DNM2: variants seen among roughly 807,000 people sequenced by gnomAD.
DNM2 encodes the protein dynamin-2.
In DNM2, 15 loss-of-function variants were observed where a neutral mutation model predicts 99.0. That is an observed-to-expected ratio of 0.15 (90% CI 0.10 to 0.23). The LOEUF (loss-of-function observed/expected upper bound fraction) is 0.23. Among genes scored for constraint, DNM2 ranks in the 10% least tolerant of loss-of-function variants. The pLI is 1.00. For synonymous variants in DNM2, 525 were observed against 481.2 expected, an observed-to-expected ratio of 1.09 and a Z score of -1.19; for missense variants, 742 against 1,189.4, an observed-to-expected ratio of 0.62 and a Z score of 5.53.
At chr19:10,755,255 CA>C (rs775260255) in intron 1 of DNM2, 4 of 152,212 alleles carry the variant, frequency 2.6e-5, no homozygotes, top group Non-Finnish European at 5.9e-5. Flanking sequence ...GAATGAACGT[CA>C]GACACACGAA....
intron 13 of DNM2, 107 bp downstream of exon 13, chr19:10,806,074 C>T: frequency 7.2e-7 from 1 of 1,388,100 alleles, no homozygotes; most frequent in Non-Finnish European, 1.0e-6. Flanking sequence ...CCCCACCCCA[C>T]AGCCTCAGTA....
rs775754391 is a variant in DNM2 at position 10,796,210 on chromosome 19, C to T, written c.1196+771C>T. 6 of 1,613,820 alleles carry T rather than the reference C, an allele frequency of 3.7e-6. No individual in the cohort carries two copies. The highest frequency in any genetic ancestry group is 2.7e-5 in the African/African-American group (2 of 74,910). On this transcript the variant is annotated intron_variant, in intron 9 of 20. Transcript: ENST00000389253. This position sits in a 1 kb window ranked among gnomAD's most constrained non-coding sequence, Gnocchi z 5.6. ...CAGTGTACCAGTAAGGTATTGCTCCCTCGGCAGGGTGACTCCTGACCTTGT... is the reference window on the plus strand; with the variant it reads ...CAGTGTACCAGTAAGGTATTGCTCCTTCGGCAGGGTGACTCCTGACCTTGT...
chr19:10,780,009 G>T (rs866402578), intron 5 of DNM2, among the ~76,000 whole-genome samples: 1 of 151,854 alleles, frequency 6.6e-6, no homozygotes, highest in Admixed American at 6.6e-5. Context: ...TCTAAGCTGC[G>T]GGCACCTCCT....
At chr19:10,783,236 G>T in intron 6 of DNM2, 116 bp downstream of exon 6, 1 of 1,479,196 alleles carries the variant, frequency 6.8e-7, no homozygotes, top group South Asian at 1.2e-5. Flanking sequence ...AGCAAAATGG[G>T]TTCAGTCCAC....
At position 10,718,172 on chromosome 19, in the gene DNM2, C is replaced by T. The variant is rs2068815823; in HGVS notation, c.-71C>T. On this transcript the variant is annotated 5_prime_UTR_variant, in exon 1 of 21. Coordinates refer to ENST00000389253, the MANE Select transcript of DNM2 (RefSeq NM_001005361.3). ...CGGGGAGCAACGGCTACAGACGCCGCGGGGCCAGGTCGTTGAGGGTCGGCG... is the reference window on the plus strand; with the variant it reads ...CGGGGAGCAACGGCTACAGACGCCGTGGGGCCAGGTCGTTGAGGGTCGGCG... The T allele has an allele frequency of 7.6e-7, 1 of 1,312,498 alleles. No homozygotes were observed. The highest frequency in any genetic ancestry group is 9.7e-7 in the Non-Finnish European group (1 of 1,032,236). The allele number at this position is 1,312,498 out of a possible 1,614,324, so 81.3% of individuals were successfully genotyped here.
chr19:10,763,901 G>A (rs979849419), intron 2 of DNM2, among the ~76,000 whole-genome samples: 5 of 152,140 alleles, frequency 3.3e-5, no homozygotes, highest in African/African-American at 7.2e-5. Context: ...CTGGCATGGC[G>A]CCAGGCAAGA....
rs2072771523 is a variant in DNM2 at position 10,817,116 on chromosome 19, C to T, written c.1672-2864C>T. ...CTTGGAGTCACACACGTGGCAGCCA[C>T]CCCTGAGGAGGAGGCCACCCTCTTA... On this transcript the variant is annotated intron_variant, in intron 15 of 20. Coordinates refer to ENST00000389253, the MANE Select transcript of DNM2 (RefSeq NM_001005361.3). The surrounding 1 kb of genome is among the most constrained non-coding windows in gnomAD (Gnocchi z 4.6). Among the ~76,000 whole-genome samples the T allele has an allele frequency of 6.6e-6, 1 of 152,210 alleles. No homozygotes were observed. The highest frequency in any genetic ancestry group is 6.5e-5 in the Admixed American group (1 of 15,282).
In DNM2 at chr19:10,772,486, C is replaced by G. The variant is rs755366581; in HGVS notation, c.243C>G (p.Ala81=). The change falls in exon 3 of 21, where the codon GCC becomes GCG. Residue 81 remains alanine (A), a synonymous_variant. Transcript: ENST00000389253. This position sits in a 1 kb window ranked among gnomAD's most constrained non-coding sequence, Gnocchi z 4.9. ...LQLIFSKTEH[A]EFLHCKSKKF... is the part of the protein sequence containing the mutation. ...TCTCTCTTCCCTTTCTAGAACATGC[C>G]GAGTTTTTGCACTGCAAGTCCAAAA... 6.8e-6 allele frequency: 11 copies of G among 1,614,076 alleles called. No individual in the cohort carries two copies. Among genetic ancestry groups the G allele is most frequent in the Admixed American group, 1.7e-5 (1 of 60,008 alleles).
At position 10,796,079 on chromosome 19, in the gene DNM2, G is replaced by A. The variant is rs774748942; in HGVS notation, c.1196+640G>A. The A allele has an allele frequency of 1.1e-5, 18 of 1,613,682 alleles. No individual in the cohort carries two copies. Among genetic ancestry groups the A allele is most frequent in the African/African-American group, 2.7e-5 (2 of 74,902 alleles). ...GTTTCAGGACCGGGCTTTTCACCCC[G>A]GACTTGGCATTCGAGGCCATTGTGA... is the stretch of plus-strand genomic sequence containing the variant. On this transcript the variant is annotated intron_variant, in intron 9 of 20. Coordinates refer to ENST00000389253, the MANE Select transcript of DNM2 (RefSeq NM_001005361.3). The surrounding 1 kb of genome is among the most constrained non-coding windows in gnomAD (Gnocchi z 5.6).
At chr19:10,782,314 G>A (rs1375075331) in intron 5 of DNM2, among the ~76,000 whole-genome samples, 16 of 151,714 alleles carry the variant, frequency 1.1e-4, no homozygotes, top group Non-Finnish European at 2.2e-4. Flanking sequence ...AATTACAGGC[G>A]TGAGCCACCG....
rs200736669 is a variant in DNM2 at position 10,759,729 on chromosome 19, C to A, written c.162-9C>A. 9.9e-6 allele frequency: 16 copies of A among 1,614,038 alleles called. No homozygotes were observed. The highest frequency in any genetic ancestry group is 9.3e-5 in the African/African-American group (7 of 74,922). On this transcript the variant is annotated splice_polypyrimidine_tract_variant and intron_variant, in intron 1 of 20. Transcript: ENST00000389253. ...AAGAGTAATTTCTGTCCCTCTCCCC[C>A]CCTCACAGGGACTTCCTTCCCCGCG...
chr19:10,733,169 C>T (rs1276876058), intron 1 of DNM2, among the ~76,000 whole-genome samples: 2 of 149,684 alleles, frequency 1.3e-5, no homozygotes, highest in South Asian at 2.1e-4. Context: ...CCAGTGTGAG[C>T]CACCGCGCCT....
chr19:10,783,788 C>T (rs1446695302), intron 6 of DNM2, among the ~76,000 whole-genome samples: 1 of 151,690 alleles, frequency 6.6e-6, no homozygotes, highest in African/African-American at 2.4e-5. Flanking sequence ...GCAACCTCCA[C>T]GTCCCAGGTT....
intron 1 of DNM2, among the ~76,000 whole-genome samples, chr19:10,725,829 C>G (rs2069096138): frequency 6.6e-6 from 1 of 152,132 alleles, no homozygotes; most frequent in Admixed American, 6.6e-5. Context: ...TCATGGCTCA[C>G]TGCAGCCTCC....
chr19:10,795,266 C>A lies in DNM2; in HGVS notation c.1129-106C>A. 2 of 1,043,200 alleles carry A rather than the reference C, an allele frequency of 1.9e-6. No individual in the cohort carries two copies. Among genetic ancestry groups the A allele is most frequent in the Non-Finnish European group, 3.0e-6 (2 of 665,874 alleles). 64.6% of individuals were successfully genotyped at this position (1,043,200 alleles called of 1,614,324 possible). ...AAATTTTGACGAGTTAAATATTCTG[C>A]CTTGTGAATATAGCCACACGTGGGA... On this transcript the variant is annotated intron_variant, in intron 8 of 20. Coordinates refer to ENST00000389253, the MANE Select transcript of DNM2 (RefSeq NM_001005361.3). The surrounding 1 kb of genome is among the most constrained non-coding windows in gnomAD (Gnocchi z 4.2).
chr19:10,796,930 C>T lies in DNM2; in HGVS notation c.1197-450C>T, dbSNP rs1039702272. ...TGGGCAGTCTGTGCTTGCGCGACCA[C>T]AGTGTCCCCAGCGCTCCGGGTTGCC... is the stretch of plus-strand genomic sequence containing the variant. On this transcript the variant is annotated intron_variant, in intron 9 of 20. Transcript: ENST00000389253. The surrounding 1 kb of genome is among the most constrained non-coding windows in gnomAD (Gnocchi z 5.6). Among the ~76,000 whole-genome samples, 4 of 152,168 alleles carry T rather than the reference C, an allele frequency of 2.6e-5. No individual in the cohort carries two copies. The highest frequency in any genetic ancestry group is 7.2e-5 in the African/African-American group (3 of 41,458).
At chr19:10,801,014 A>C (rs552668293) in intron 11 of DNM2, among the ~76,000 whole-genome samples, 5 of 152,360 alleles carry the variant, frequency 3.3e-5, no homozygotes, top group African/African-American at 1.2e-4. Context: ...CAGGCGCTAA[A>C]GACTTTACAG....
At chr19:10,761,285 C>A (rs1297588988) in intron 2 of DNM2, among the ~76,000 whole-genome samples, 1 of 152,140 alleles carries the variant, frequency 6.6e-6, no homozygotes, top group Admixed American at 6.5e-5. Flanking sequence ...CCGCGCCCGG[C>A]CACCATTGCT....
At position 10,812,447 on chromosome 19, in the gene DNM2, C is replaced by T. The variant is rs1165016808; in HGVS notation, c.1671+70C>T. ...CCAGGGAAGAGCGGGTGGGCGCTCCCTCTGGGCAGAACTCAGTCACTGCGC... is the reference window on the plus strand; with the variant it reads ...CCAGGGAAGAGCGGGTGGGCGCTCCTTCTGGGCAGAACTCAGTCACTGCGC... On this transcript the variant is annotated intron_variant, in intron 15 of 20. Transcript: ENST00000389253. This position sits in a 1 kb window ranked among gnomAD's most constrained non-coding sequence, Gnocchi z 4.0. 3.0e-6 allele frequency: 4 copies of T among 1,326,068 alleles called. No homozygotes were observed. In the East Asian group the frequency reaches 7.8e-5, roughly 26 times the overall value. The allele number at this position is 1,326,068 out of a possible 1,614,324, so 82.1% of individuals were successfully genotyped here.
Sources: gnomAD v4.1 joint callset for allele counts (sites outside exome capture counted in the v4.1 genomes callset) on GRCh38, gnomAD v4.1.1 for gene constraint, Gnocchi (gnomAD v3.1) non-coding constraint, MANE v1.5 for transcripts, NCBI Gene and HGNC (gene_info 2026-07-23, HGNC 2026-07-21) for gene names.